Variants in BACH2 observed in about 807,000 individuals in gnomAD.
BACH2 encodes transcription regulator protein BACH2.
A neutral mutation model predicts 61.8 loss-of-function variants in BACH2; 5 were observed. The observed-to-expected ratio is 0.08, with a 90% CI of 0.04 to 0.17. BACH2 has a LOEUF of 0.17. Ranked by LOEUF, BACH2 falls within the 10% of genes least tolerant of loss-of-function variation. BACH2 has a pLI of 1.00. For synonymous variants in BACH2, 446 were observed against 440.1 expected (o/e 1.01, Z -0.17); for missense variants, 824 against 1,091.1 (o/e 0.76, Z 3.45).
In BACH2 at chr6:89,932,184, G is replaced by A. The variant is rs1772691627; in HGVS notation, c.*224C>T. ...ACAGACAGACAGTGTCATCACTGCT[G>A]TCTTTCCTTGCCTGGGCAAGGGGTA... On this transcript the variant is annotated 3_prime_UTR_variant, in exon 9 of 9. Coordinates refer to ENST00000257749, the MANE Select transcript of BACH2 (RefSeq NM_021813.4). 1 of 561,338 alleles carries A rather than the reference G, an allele frequency of 1.8e-6. No homozygotes were observed. Among genetic ancestry groups the A allele is most frequent in the Admixed American group, 2.9e-5 (1 of 34,606 alleles). 34.8% of individuals were successfully genotyped at this position (561,338 alleles called of 1,614,324 possible).
Position 90,210,898 on chromosome 6 carries a change from T to C in BACH2, c.-274-4217A>G, listed in dbSNP as rs746852939. Among the ~76,000 whole-genome samples the C allele has an allele frequency of 3.4e-4, 51 of 152,042 alleles. 1 individual carries two copies. The South Asian group carries it at 4.4e-3, about 13-fold the overall frequency. ...GGGTAAGAAGAAAGGTGGTCCAGAA[T>C]TACAGAATCCCAGCACTTTGTGAGG... On this transcript the variant is annotated intron_variant, in intron 3 of 8. Transcript: ENST00000257749.
chr6:90,277,458 A>G (rs1771729728), intron 1 of BACH2, among the ~76,000 whole-genome samples: 1 of 152,198 alleles, frequency 6.6e-6, no homozygotes, highest in Non-Finnish European at 1.5e-5. Flanking sequence ...ATGCTTTCCC[A>G]AGTCAGAGTA....
intron 5 of BACH2, among the ~76,000 whole-genome samples, chr6:90,067,076 C>CT (rs1781001347): frequency 6.6e-6 from 1 of 152,206 alleles, no homozygotes; most frequent in Non-Finnish European, 1.5e-5. Flanking sequence ...ATGGTATAAT[C>CT]TGAGTGCTGT....
chr6:90,184,172 A>G (rs1768265516), intron 4 of BACH2, among the ~76,000 whole-genome samples: 1 of 152,220 alleles, frequency 6.6e-6, no homozygotes. Context: ...CCAGATAATG[A>G]TATCATTTAA....
intron 4 of BACH2, among the ~76,000 whole-genome samples, chr6:90,133,547 A>T (rs185120831): frequency 3.0e-3 from 454 of 151,546 alleles, no homozygotes; most frequent in African/African-American, 8.7e-3. Flanking sequence ...TTATTTATTT[A>T]TTTTTTATTG....
chr6:90,067,904 T>C (rs528352356), intron 5 of BACH2, among the ~76,000 whole-genome samples: 3 of 152,164 alleles, frequency 2.0e-5, no homozygotes, highest in Admixed American at 1.3e-4. Flanking sequence ...ATATACTAGA[T>C]GCTCAATGTT....
intron 5 of BACH2, among the ~76,000 whole-genome samples, chr6:90,031,300 G>A (rs965032068): frequency 1.3e-5 from 2 of 152,074 alleles, no homozygotes; most frequent in African/African-American, 4.8e-5. Context: ...GCACAAGACA[G>A]GGATGCCCTC....
intron 5 of BACH2, among the ~76,000 whole-genome samples, chr6:90,011,287 C>T (rs183745055): frequency 1.3e-5 from 2 of 152,244 alleles, no homozygotes; most frequent in East Asian, 1.9e-4. Flanking sequence ...CAATCATTCC[C>T]GCAGCATTGT....
intron 4 of BACH2, among the ~76,000 whole-genome samples, chr6:90,157,338 C>G (rs1785029120): frequency 6.6e-6 from 1 of 152,184 alleles, no homozygotes; most frequent in Non-Finnish European, 1.5e-5. Context: ...CAAAGGAACT[C>G]TAAGGGCACA....
In BACH2 at chr6:90,276,925, T is replaced by A. The variant is rs939419271; in HGVS notation, c.-445-4984A>T. 1.6e-4 allele frequency among the ~76,000 whole-genome samples: 25 copies of A among 152,208 alleles called. 1 individual carries two copies. Among genetic ancestry groups the A allele is most frequent in the Admixed American group, 1.6e-3 (24 of 15,290 alleles). On this transcript the variant is annotated intron_variant, in intron 1 of 8. Coordinates refer to ENST00000257749, the MANE Select transcript of BACH2 (RefSeq NM_021813.4). ...CTAACCCTTTCAAATTCTCTCTATA[T>A]GAGAATTGACTATTTTCATCCTCCC...
chr6:90,097,996 G>A (rs1782449550), intron 4 of BACH2, among the ~76,000 whole-genome samples: 1 of 152,138 alleles, frequency 6.6e-6, no homozygotes, highest in Admixed American at 6.5e-5. Context: ...GGCTTTTATT[G>A]TTTCTCTAGG....
rs1772557211 is a variant in BACH2, at chr6:89,930,117, ACACACACACACAC to A, written c.*2278_*2290del. The A allele has an allele frequency of 4.0e-5, 1 of 24,764 alleles. No homozygotes were observed. Among genetic ancestry groups the A allele is most frequent in the Non-Finnish European group, 9.6e-5 (1 of 10,456 alleles). The allele number at this position is 24,764 out of a possible 1,614,324, so 1.5% of individuals were successfully genotyped here. On this transcript the variant is annotated 3_prime_UTR_variant, in exon 9 of 9. Coordinates refer to ENST00000257749, the MANE Select transcript of BACH2 (RefSeq NM_021813.4). Reference sequence around the variant, plus strand: ...AGCTTTATCAAGATCTGTTTCAGACACACACACACACACACACACACACACACACACACACACA... The same window carrying A: ...AGCTTTATCAAGATCTGTTTCAGACAACACACACACACACACACACACACA...
intron 4 of BACH2, among the ~76,000 whole-genome samples, chr6:90,204,139 C>A (rs927106221): frequency 6.6e-6 from 1 of 152,088 alleles, no homozygotes; most frequent in Non-Finnish European, 1.5e-5. Context: ...CCAGGGCCAC[C>A]CTCCATCCGA....
At chr6:89,954,517 AT>A (rs35054443) in intron 6 of BACH2, among the ~76,000 whole-genome samples, 16,748 of 114,332 alleles carry the variant, frequency 0.15, 1,150 homozygotes, top group African/African-American at 0.18. Context: ...CCTTATCACC[AT>A]TTTTTTTTTT....
At position 89,950,831 on chromosome 6, in the gene BACH2, C is replaced by T; in HGVS notation, c.1275G>A (p.Glu425=). ...GLEALCKQEG[E]LDRRSVIFSS... ...AGAAGATCACGCTCCTCCGGTCCAG[C>T]TCTCCCTCCTGTTTACAGAGAGCCT... The change falls in exon 7 of 9, where the codon GAG becomes GAA. Residue 425 remains glutamate, a synonymous_variant. Transcript: ENST00000257749. This position sits in a 1 kb window ranked among gnomAD's most constrained non-coding sequence, Gnocchi z 5.3. The T allele has an allele frequency of 1.2e-6, 2 of 1,613,952 alleles. No individual in the cohort carries two copies. The highest frequency in any genetic ancestry group is 2.7e-5 in the African/African-American group (2 of 75,056).
intron 6 of BACH2, among the ~76,000 whole-genome samples, chr6:90,007,199 T>A (rs2127780073): frequency 6.6e-6 from 1 of 152,170 alleles, no homozygotes; most frequent in African/African-American, 2.4e-5. Context: ...CTCAACCTCC[T>A]GAGTAGCTGG....
intron 5 of BACH2, among the ~76,000 whole-genome samples, chr6:90,080,088 T>C (rs1261703778): frequency 2.0e-5 from 3 of 152,096 alleles, no homozygotes; most frequent in African/African-American, 7.2e-5. Flanking sequence ...CGCAAAGAAA[T>C]GTACCCAAAA....
chr6:90,039,934 T>A (rs554627998), intron 5 of BACH2, among the ~76,000 whole-genome samples: 51 of 152,278 alleles, frequency 3.3e-4, no homozygotes, highest in Non-Finnish European at 6.8e-4. Context: ...GCATTGTTGG[T>A]CTTTTTCTGC....
chr6:90,137,295 A>G (rs978064612), intron 4 of BACH2, among the ~76,000 whole-genome samples: 2 of 152,222 alleles, frequency 1.3e-5, no homozygotes, highest in African/African-American at 4.8e-5. Flanking sequence ...TCTGAGAGGC[A>G]TACTAGTTCT....
Sources: gnomAD v4.1 joint callset for allele counts (sites outside exome capture counted in the v4.1 genomes callset) on GRCh38, gnomAD v4.1.1 for gene constraint, Gnocchi (gnomAD v3.1) non-coding constraint, MANE v1.5 for transcripts, NCBI Gene and HGNC (gene_info 2026-07-23, HGNC 2026-07-21) for gene names.